The following FRMD6 variants were observed in gnomAD, a reference collection of about 807,000 sequenced individuals.
FRMD6 encodes the protein FERM domain containing 6.
Under a neutral mutation model 73.2 loss-of-function variants are expected in FRMD6, and 37 were observed. The observed-to-expected ratio is 0.51, with a 90% confidence interval of 0.39 to 0.66. The LOEUF (loss-of-function observed/expected upper bound fraction) is 0.66, where lower values mean the gene tolerates loss of function less well. FRMD6 is among the 30% of genes least tolerant of loss of function. The probability of loss-of-function intolerance (pLI) is 0.00; values close to 1 mark genes in which losing one functional copy is unlikely to be tolerated. For missense variants in FRMD6, 714 were observed against 780.5 expected (o/e 0.91, Z 1.02); for synonymous variants, 273 against 282.2 (o/e 0.97, Z 0.33).
At chr14:51,676,617 C>T (rs1894409596) in intron 1 of FRMD6, among the ~76,000 whole-genome samples, 1 of 152,160 alleles carries the variant, frequency 6.6e-6, no homozygotes, top group Non-Finnish European at 1.5e-5. Flanking sequence ...TGATTATTCA[C>T]AGCATTTTCA....
chr14:51,728,058 GCTTA>G lies in FRMD6; in HGVS notation c.*32_*35del. ...CCGTCTGTGTGCAGCTGTACAGGCAGCTTACTGTTTGCTAGAGGATGCGAAAGTC... is the reference window on the plus strand; with the variant it reads ...CCGTCTGTGTGCAGCTGTACAGGCAGCTGTTTGCTAGAGGATGCGAAAGTC... On this transcript the variant is annotated 3_prime_UTR_variant, in exon 14 of 14. Coordinates refer to ENST00000344768, the MANE Select transcript of FRMD6 (RefSeq NM_001267046.2). 1 of 1,581,334 alleles carries G rather than the reference GCTTA, an allele frequency of 6.3e-7. No individual in the cohort carries two copies. The highest frequency in any genetic ancestry group is 1.1e-5 in the South Asian group (1 of 87,942).
intron 1 of FRMD6, among the ~76,000 whole-genome samples, chr14:51,569,359 T>C (rs1343012049): frequency 6.6e-6 from 1 of 152,174 alleles, no homozygotes; most frequent in East Asian, 1.9e-4. Flanking sequence ...CAAAATAGTT[T>C]GGTTACTAAA....
chr14:51,429,422 A>C, the FRMD6 span, among the ~76,000 whole-genome samples: 2 of 71,728 alleles, frequency 2.8e-5, no homozygotes, highest in African/African-American at 6.7e-5. Flanking sequence ...GTAGTCATGA[A>C]GATTTTTTTT....
At chr14:51,688,235 T>C (rs1451209068) in intron 1 of FRMD6, among the ~76,000 whole-genome samples, 1 of 151,994 alleles carries the variant, frequency 6.6e-6, no homozygotes, top group East Asian at 1.9e-4. Context: ...CCCCATGAGG[T>C]GATGTACTGG....
intron 2 of FRMD6, among the ~76,000 whole-genome samples, chr14:51,623,659 T>G (rs1247063483): frequency 6.6e-6 from 1 of 152,202 alleles, no homozygotes; most frequent in African/African-American, 2.4e-5. Context: ...TTCTAACCAC[T>G]GCTGCCCCCC....
chr14:51,476,447 A>C, the FRMD6 span, among the ~76,000 whole-genome samples: 1 of 152,118 alleles, frequency 6.6e-6, no homozygotes, highest in African/African-American at 2.4e-5. Context: ...GACTTTGAAA[A>C]CAGGTAGAAA....
intron 2 of FRMD6, among the ~76,000 whole-genome samples, chr14:51,583,974 G>A (rs1181059013): frequency 6.6e-6 from 1 of 152,204 alleles, no homozygotes; most frequent in Non-Finnish European, 1.5e-5. Context: ...TTTATATAGA[G>A]CCTTGAGCAC....
chr14:51,506,900 C>T (rs188460471), intron 1 of FRMD6, among the ~76,000 whole-genome samples: 89 of 152,080 alleles, frequency 5.9e-4, no homozygotes, highest in African/African-American at 1.7e-3. Context: ...TGTGATGCAT[C>T]GTAGAATGAA....
the FRMD6 span, among the ~76,000 whole-genome samples, chr14:51,418,945 A>G: frequency 5.3e-5 from 8 of 152,172 alleles, no homozygotes; most frequent in African/African-American, 1.9e-4. Context: ...CTGCTGCGCT[A>G]GAAGTAAGCA....
the FRMD6 span, among the ~76,000 whole-genome samples, chr14:51,409,481 C>A: frequency 6.6e-6 from 1 of 151,932 alleles, no homozygotes; most frequent in Non-Finnish European, 1.5e-5. Context: ...GGTCTCTAGC[C>A]CACCATTGAG....
At chr14:51,507,671 G>A (rs982715894) in intron 1 of FRMD6, among the ~76,000 whole-genome samples, 4 of 152,070 alleles carry the variant, frequency 2.6e-5, no homozygotes, top group Non-Finnish European at 5.9e-5. Flanking sequence ...CCACTAATGT[G>A]TTTTAGTTCA....
chr14:51,523,582 T>A (rs1885065449), intron 1 of FRMD6, among the ~76,000 whole-genome samples: 1 of 152,230 alleles, frequency 6.6e-6, no homozygotes, highest in Non-Finnish European at 1.5e-5. Flanking sequence ...AAGTGTATGC[T>A]GCTTGGCTGT....
intron 1 of FRMD6, among the ~76,000 whole-genome samples, chr14:51,508,273 A>G (rs560408307): frequency 5.3e-5 from 8 of 152,292 alleles, no homozygotes; most frequent in Admixed American, 3.9e-4. Context: ...CCATACTCAT[A>G]AATCTAGAAG....
intron 1 of FRMD6, among the ~76,000 whole-genome samples, chr14:51,683,296 G>A (rs189871479): frequency 3.9e-4 from 59 of 152,128 alleles, no homozygotes; most frequent in Non-Finnish European, 5.9e-5. Flanking sequence ...TTGAGACAGA[G>A]CCTTGCTCTG....
the FRMD6 span, among the ~76,000 whole-genome samples, chr14:51,468,184 G>A: frequency 5.9e-5 from 9 of 151,914 alleles, no homozygotes; most frequent in Admixed American, 1.3e-4. Context: ...CCAGGCACTC[G>A]GCAGGCTGAG....
rs200052379 is a variant in FRMD6 at position 51,557,271 on chromosome 14, C to T, written c.-209-13077C>T. Among the ~76,000 whole-genome samples, 90 of 150,726 alleles carry T rather than the reference C, an allele frequency of 6.0e-4. 1 individual carries two copies. The East Asian group carries it at 9.3e-3, about 16-fold the overall frequency. Reference sequence around the variant, plus strand: ...ATATATATATATATATATATATACACACATACATACATACATACATAGGAA... The same window carrying T: ...ATATATATATATATATATATATACATACATACATACATACATACATAGGAA... On this transcript the variant is annotated intron_variant, in intron 1 of 14. Coordinates refer to the FRMD6 transcript ENST00000356218.
At chr14:51,678,447 CAA>C (rs985333646) in intron 1 of FRMD6, among the ~76,000 whole-genome samples, 2 of 152,080 alleles carry the variant, frequency 1.3e-5, no homozygotes, top group African/African-American at 4.8e-5. Context: ...AATTTGGAGA[CAA>C]GAAGAAATGT....
At chr14:51,442,635 G>C in the FRMD6 span, among the ~76,000 whole-genome samples, 1 of 151,998 alleles carries the variant, frequency 6.6e-6, no homozygotes, top group African/African-American at 2.4e-5. Context: ...AGCTCCTCAG[G>C]GCAGAAACTA....
chr14:51,674,206 C>T (rs953105609), intron 1 of FRMD6, among the ~76,000 whole-genome samples: 3 of 152,124 alleles, frequency 2.0e-5, no homozygotes, highest in Admixed American at 1.3e-4. Flanking sequence ...TCCTAGAAAG[C>T]CCACTATGAG....
Sources: allele counts gnomAD v4.1 joint callset (sites outside exome capture counted in the v4.1 genomes callset), GRCh38; gene constraint gnomAD v4.1.1; transcripts MANE v1.5; gene names NCBI Gene and HGNC (gene_info 2026-07-23, HGNC 2026-07-21).